Variants in APOBEC3C observed in about 807,000 individuals in gnomAD.
The protein encoded by APOBEC3C is apolipoprotein B mRNA editing enzyme catalytic subunit 3C.
Under a neutral mutation model 20.6 loss-of-function variants are expected in APOBEC3C, and 14 were observed. The ratio of observed to expected loss-of-function variants is 0.68; its 90% CI spans 0.45 to 1.06. APOBEC3C has a LOEUF of 1.06. Ranked by LOEUF, APOBEC3C falls within the 50% of genes least tolerant of loss-of-function variation. APOBEC3C has a pLI of 0.00. For missense variants in APOBEC3C, 244 were observed against 241.9 expected, an observed-to-expected ratio of 1.01 and a Z score of -0.06; for synonymous variants, 98 against 88.8, an observed-to-expected ratio of 1.10 and a Z score of -0.58.
At position 39,014,339 on chromosome 22, in the gene APOBEC3C, A is replaced by G; in HGVS notation, c.-24A>G. The stretch of plus-strand genomic sequence containing the variant: ...CGCTTCAGAAAAGAGTGGGACAGGG[A>G]CAAGCATATCTAAGAGGCTGAACAT... On this transcript the variant is annotated 5_prime_UTR_variant, in exon 1 of 4. Transcript: ENST00000361441. 1.9e-6 allele frequency: 3 copies of G among 1,614,186 alleles called. No homozygotes were observed. Among genetic ancestry groups the G allele is most frequent in the Non-Finnish European group, 1.7e-6 (2 of 1,180,014 alleles).
chr22:39,016,855 G>T (rs1462289756), intron 2 of APOBEC3C, among the ~76,000 whole-genome samples: 1 of 152,204 alleles, frequency 6.6e-6, no homozygotes, highest in Non-Finnish European at 1.5e-5. Flanking sequence ...GGCTGAGGAT[G>T]CCTGGTGAAT....
At position 39,017,878 on chromosome 22, in the gene APOBEC3C, C is replaced by T. The variant is rs1293384400; in HGVS notation, c.287C>T (p.Pro96Leu). ...YQVTWYTSWS[P>L]CPDCAGEVAE... ...GTCACCTGGTACACATCTTGGAGCC[C>T]TTGCCCAGACTGTGCAGGGGAGGTG... The change falls in exon 3 of 4, where the codon CCT becomes CTT. Residue 96 changes from proline to leucine, a missense_variant. Coordinates refer to ENST00000361441, the MANE Select transcript of APOBEC3C (RefSeq NM_014508.3). 1.2e-6 allele frequency: 2 copies of T among 1,614,194 alleles called. No homozygotes were observed. The highest frequency in any genetic ancestry group is 1.7e-6 in the Non-Finnish European group (2 of 1,180,026).
Position 39,018,053 on chromosome 22 carries a change from G to GT in APOBEC3C, c.454+9dup, listed in dbSNP as rs775584762. 2.8e-5 allele frequency: 45 copies of GT among 1,613,546 alleles called. No individual in the cohort carries two copies. Among genetic ancestry groups the GT allele is most frequent in the Non-Finnish European group, 3.6e-5 (43 of 1,179,574 alleles). On this transcript the variant is annotated intron_variant, in intron 3 of 3. Transcript: ENST00000361441. The stretch of plus-strand genomic sequence containing the variant: ...AGATCATGGACTATGAAGGTGAGAC[G>GT]TGGGGGGCTGAGGAGAGTGGGTGCA...
chr22:39,016,325 AAGTAGCTGG>A (rs1392546993), intron 2 of APOBEC3C, among the ~76,000 whole-genome samples: 2 of 147,904 alleles, frequency 1.4e-5, no homozygotes, highest in Non-Finnish European at 3.0e-5. Context: ...TCAGCCTCCC[AAGTAGCTGG>A]GACTACAGGC....
chr22:39,018,401 G>T lies in APOBEC3C; in HGVS notation c.*14G>T, dbSNP rs112882278. ...AGTCTCCAGTGAGGGGTCTCCCTGG[G>T]CCTCATGGTCTGTCTCCTCTAGCCT... On this transcript the variant is annotated 3_prime_UTR_variant, in exon 4 of 4. Coordinates refer to ENST00000361441, the MANE Select transcript of APOBEC3C (RefSeq NM_014508.3). 5.0e-6 allele frequency: 8 copies of T among 1,611,316 alleles called. No individual in the cohort carries two copies. In the African/African-American group the frequency reaches 5.3e-5, roughly 11 times the overall value.
intron 2 of APOBEC3C, among the ~76,000 whole-genome samples, chr22:39,017,432 G>A (rs572764602): frequency 6.6e-6 from 1 of 152,052 alleles, no homozygotes; most frequent in Non-Finnish European, 1.5e-5. Flanking sequence ...GAGCCCAAGA[G>A]TTCAAGATCA....
chr22:39,015,668 A>G lies in APOBEC3C; in HGVS notation c.91A>G (p.Asn31Asp), dbSNP rs11551111. The change falls in exon 2 of 4, where the codon AAC becomes GAC. Residue 31 changes from asparagine to aspartate, a missense_variant. Physicochemically the swap from Asn to Asp is conservative, Grantham distance 23. Transcript: ENST00000361441. Reference sequence around the variant, plus strand: ...AAACCTATGGGAAGCCAACGATCGGAACGAAACTTGGCTGTGCTTCACCGT... The same window carrying G: ...AAACCTATGGGAAGCCAACGATCGGGACGAAACTTGGCTGTGCTTCACCGT... Reference protein sequence around the residue: ...FKNLWEANDRNETWLCFTVEG... With the variant: ...FKNLWEANDRDETWLCFTVEG... 5 of 1,614,138 alleles carry G rather than the reference A, an allele frequency of 3.1e-6. No homozygotes were observed. The highest frequency in any genetic ancestry group is 4.2e-6 in the Non-Finnish European group (5 of 1,180,020).
Position 39,018,413 on chromosome 22 carries a change from G to A in APOBEC3C, c.*26G>A, listed in dbSNP as rs780736286. 5.0e-6 allele frequency: 8 copies of A among 1,607,594 alleles called. No individual in the cohort carries two copies. The highest frequency in any genetic ancestry group is 3.3e-4 in the Middle Eastern group (2 of 6,030). ...GGGGTCTCCCTGGGCCTCATGGTCT[G>A]TCTCCTCTAGCCTCCTGCTCATGCT... is the stretch of plus-strand genomic sequence containing the variant. On this transcript the variant is annotated 3_prime_UTR_variant, in exon 4 of 4. Transcript: ENST00000361441.
intron 2 of APOBEC3C, 103 bp from the exon 3 acceptor site, chr22:39,017,663 C>A (rs1969643): frequency 4.3e-6 from 6 of 1,402,094 alleles, no homozygotes; most frequent in Non-Finnish European, 5.9e-6. Flanking sequence ...AATAAGGAAA[C>A]GGCCCGGGGC....
rs1472931408 is a variant in APOBEC3C, at chr22:39,017,937, C to G, written c.346C>G (p.Leu116Val). 3.7e-6 allele frequency: 6 copies of G among 1,614,210 alleles called. No individual in the cohort carries two copies. The highest frequency in any genetic ancestry group is 1.1e-5 in the South Asian group (1 of 91,086). ...EFLARHSNVN[L>V]TIFTARLYYF... Reference sequence around the variant, plus strand: ...CCTGGCCAGGCACAGCAACGTGAATCTCACCATCTTCACCGCCCGCCTCTA... The same window carrying G: ...CCTGGCCAGGCACAGCAACGTGAATGTCACCATCTTCACCGCCCGCCTCTA... The change falls in exon 3 of 4, where the codon CTC (leucine) becomes GTC (valine). Residue 116 changes from leucine to valine, a missense_variant. Transcript: ENST00000361441.
Position 39,018,504 on chromosome 22 carries a change from C to G in APOBEC3C, c.*117C>G. 4.0e-6 allele frequency: 5 copies of G among 1,241,826 alleles called. No individual in the cohort carries two copies. The highest frequency in any genetic ancestry group is 5.6e-6 in the Non-Finnish European group (5 of 886,646). The allele number at this position is 1,241,826 out of a possible 1,614,324, so 76.9% of individuals were successfully genotyped here. A position where few individuals can be genotyped will look rare whatever the true frequency, so the allele number is the denominator to read the frequency against. On this transcript the variant is annotated 3_prime_UTR_variant, in exon 4 of 4. Transcript: ENST00000361441. Reference sequence around the variant, plus strand: ...CCTGGTCATCCTGAGCCCCTCCTGGCCTCAGGGCCATTCCACAGTGCTCCC... The same window carrying G: ...CCTGGTCATCCTGAGCCCCTCCTGGGCTCAGGGCCATTCCACAGTGCTCCC...
At chr22:39,015,408 A>G (rs573768671) in intron 1 of APOBEC3C, among the ~76,000 whole-genome samples, 187 bp from the exon 2 acceptor site, 28 of 151,728 alleles carry the variant, frequency 1.8e-4, no homozygotes, top group African/African-American at 6.8e-4. Flanking sequence ...TGCCCCTGCC[A>G]GCGTCCCCTC....
chr22:39,018,363 A>G lies in APOBEC3C; in HGVS notation c.549A>G (p.Arg183=), dbSNP rs759467724. Residue 183 remains arginine, a synonymous_variant, in exon 4 of 4, where the codon AGA becomes AGG. Coordinates refer to ENST00000361441, the MANE Select transcript of APOBEC3C (RefSeq NM_014508.3). ...GLKTNFRLLK[R]RLRESLQ ...AAACCAACTTTCGACTTCTGAAAAG[A>G]AGGCTACGGGAGAGTCTCCAGTGAG... is the stretch of plus-strand genomic sequence containing the variant. The G allele has an allele frequency of 6.2e-7, 1 of 1,613,964 alleles. No individual in the cohort carries two copies. Among genetic ancestry groups the G allele is most frequent in the African/African-American group, 1.3e-5 (1 of 74,914 alleles).
In APOBEC3C at chr22:39,017,835, C is replaced by G; in HGVS notation, c.244C>G (p.Pro82Ala). Reference sequence around the variant, plus strand: ...TTGGTTCTGCGACGACATACTGTCTCCTAACACAAAGTACCAGGTCACCTG... The same window carrying G: ...TTGGTTCTGCGACGACATACTGTCTGCTAACACAAAGTACCAGGTCACCTG... Reference protein sequence around the residue: ...LSWFCDDILSPNTKYQVTWYT... With the variant: ...LSWFCDDILSANTKYQVTWYT... Residue 82 changes from proline to alanine, a missense_variant, in exon 3 of 4, where the codon CCT becomes GCT. Transcript: ENST00000361441. 1 of 1,614,134 alleles carries G rather than the reference C, an allele frequency of 6.2e-7. No individual in the cohort carries two copies. The highest frequency in any genetic ancestry group is 8.5e-7 in the Non-Finnish European group (1 of 1,179,996).
At position 39,017,979 on chromosome 22, in the gene APOBEC3C, T is replaced by C; in HGVS notation, c.388T>C (p.Cys130Arg). The change falls in exon 3 of 4, where the codon TGT (cysteine) becomes CGT (arginine). Residue 130 changes from cysteine (C) to arginine (R), a missense_variant. Cys to Arg is a radical substitution (Grantham distance 180). Transcript: ENST00000361441. ...CCGCCTCTACTACTTCCAGTATCCA[T>C]GTTACCAGGAGGGGCTCCGCAGCCT... is the stretch of plus-strand genomic sequence containing the variant. ...TARLYYFQYP[C>R]YQEGLRSLSQ... The C allele has an allele frequency of 6.2e-7, 1 of 1,614,118 alleles. No homozygotes were observed. Among genetic ancestry groups the C allele is most frequent in the Non-Finnish European group, 8.5e-7 (1 of 1,180,030 alleles).
chr22:39,016,616 G>T (rs971468040), intron 2 of APOBEC3C, among the ~76,000 whole-genome samples: 33 of 152,030 alleles, frequency 2.2e-4, no homozygotes, highest in Admixed American at 4.6e-4. Context: ...GCCTTGTTTA[G>T]CGCCCAGCAC....
chr22:39,014,447 C>T, intron 1 of APOBEC3C, 68 bp downstream of exon 1: 5 of 1,603,536 alleles, frequency 3.1e-6, no homozygotes. Flanking sequence ...TGCTGGGCCT[C>T]AGCCCTGGCC....
intron 3 of APOBEC3C, 45 bp from the exon 4 acceptor site, chr22:39,018,224 A>G (rs1372942759): frequency 1.3e-6 from 2 of 1,596,988 alleles, no homozygotes; most frequent in Non-Finnish European, 8.6e-7. Context: ...GGGCCAGGAG[A>G]GAGGCCTGCT....
At chr22:39,014,882 T>C (rs1463137658) in intron 1 of APOBEC3C, among the ~76,000 whole-genome samples, 24 of 152,166 alleles carry the variant, frequency 1.6e-4, no homozygotes, top group Admixed American at 1.6e-3. Context: ...ATGCCTCCAC[T>C]GTGAGCAGAG....
Sources: allele counts gnomAD v4.1 joint callset (sites outside exome capture counted in the v4.1 genomes callset), GRCh38; gene constraint gnomAD v4.1.1; transcripts MANE v1.5; gene names NCBI Gene and HGNC (gene_info 2026-07-23, HGNC 2026-07-21).